Variants in MSRA observed in about 807,000 individuals in gnomAD.
The protein encoded by MSRA is methionine sulfoxide reductase A.
MSRA carries 54 observed loss-of-function variants against 31.3 expected under a neutral mutation model. That is an observed-to-expected ratio of 1.73 (90% CI 1.39 to 2.17). The LOEUF (loss-of-function observed/expected upper bound fraction) is 2.17, where lower values mean the gene tolerates loss of function less well. Among genes scored for constraint, MSRA ranks in the 30% most tolerant of loss-of-function variants. The probability of loss-of-function intolerance (pLI) is 0.00; values close to 1 mark genes in which losing one functional copy is unlikely to be tolerated. For synonymous variants in MSRA, 169 were observed against 116.5 expected, an observed-to-expected ratio of 1.45 and a Z score of -2.90; for missense variants, 507 against 300.9, an observed-to-expected ratio of 1.69 and a Z score of -5.07.
intron 1 of MSRA, among the ~76,000 whole-genome samples, chr8:10,195,570 T>C (rs558518178): frequency 2.6e-5 from 4 of 152,304 alleles, no homozygotes; most frequent in South Asian, 4.1e-4. Flanking sequence ...CACTATATTA[T>C]TTCCTGTAGA....
At chr8:10,055,165 C>G (rs1473761476) in intron 1 of MSRA, among the ~76,000 whole-genome samples, 2 of 5,380 alleles carry the variant, frequency 3.7e-4, no homozygotes, top group Non-Finnish European at 5.9e-3. Flanking sequence ...GGCCAGTGTT[C>G]TGGCTGAGTC....
intron 2 of MSRA, among the ~76,000 whole-genome samples, chr8:10,219,264 G>GT (rs1445547750): frequency 1.3e-5 from 2 of 152,194 alleles, no homozygotes; most frequent in Non-Finnish European, 2.9e-5. Flanking sequence ...TCGTGAATGA[G>GT]TTTGAGGGTA....
At chr8:10,230,431 G>T (rs543346511) in intron 2 of MSRA, among the ~76,000 whole-genome samples, 4 of 152,308 alleles carry the variant, frequency 2.6e-5, no homozygotes, top group Admixed American at 2.0e-4. Flanking sequence ...AAAGGTTCAG[G>T]TTGGCTGATG....
At chr8:10,416,678 C>A (rs4521760) in intron 5 of MSRA, among the ~76,000 whole-genome samples, 74,488 of 152,116 alleles carry the variant, frequency 0.49, 20,257 homozygotes, top group Non-Finnish European at 0.62. Context: ...GCACTTGTGC[C>A]GTTGACCACA....
At chr8:10,147,786 C>T (rs994899219) in intron 1 of MSRA, among the ~76,000 whole-genome samples, 6 of 152,224 alleles carry the variant, frequency 3.9e-5, no homozygotes, top group Admixed American at 2.0e-4. Flanking sequence ...GTGGCACCCC[C>T]CACGTCCCAG....
intron 3 of MSRA, among the ~76,000 whole-genome samples, chr8:10,283,296 G>A (rs28507215): frequency 0.13 from 20,021 of 151,950 alleles, 2,152 homozygotes; most frequent in East Asian, 0.29. Flanking sequence ...TATAAAAATT[G>A]CACATCATTT....
chr8:10,329,157 C>T (rs1473673198), intron 5 of MSRA, among the ~76,000 whole-genome samples: 1 of 152,192 alleles, frequency 6.6e-6, no homozygotes, highest in African/African-American at 2.4e-5. Flanking sequence ...GTGTTAATAT[C>T]CTATAGCTAC....
At chr8:10,149,248 A>C (rs1374540157) in intron 1 of MSRA, among the ~76,000 whole-genome samples, 1 of 151,920 alleles carries the variant, frequency 6.6e-6, no homozygotes, top group Non-Finnish European at 1.5e-5. Flanking sequence ...CAGCCTCCCA[A>C]GTATCTGGGA....
At chr8:10,303,190 C>G (rs1254867633) in intron 4 of MSRA, among the ~76,000 whole-genome samples, 1 of 152,218 alleles carries the variant, frequency 6.6e-6, no homozygotes, top group Non-Finnish European at 1.5e-5. Flanking sequence ...GGGTCTGTGT[C>G]CTTTAATGTG....
chr8:10,146,712 A>T (rs751002187), intron 1 of MSRA, among the ~76,000 whole-genome samples: 1 of 151,906 alleles, frequency 6.6e-6, no homozygotes, highest in Non-Finnish European at 1.5e-5. Flanking sequence ...GTGTTATTTT[A>T]AAAAAAAATA....
chr8:10,100,533 G>A (rs924497959), intron 1 of MSRA, among the ~76,000 whole-genome samples: 6 of 152,096 alleles, frequency 3.9e-5, no homozygotes, highest in African/African-American at 1.4e-4. Flanking sequence ...TAGGGGGCTA[G>A]GGGATGTGAT....
intron 3 of MSRA, among the ~76,000 whole-genome samples, chr8:10,278,777 C>G (rs1052942181): frequency 6.6e-6 from 1 of 152,208 alleles, no homozygotes; most frequent in Non-Finnish European, 1.5e-5. Flanking sequence ...CAGCCCTTTA[C>G]TGAACTTCAG....
intron 5 of MSRA, chr8:10,353,558 A>T: frequency 6.6e-6 from 3 of 455,362 alleles, no homozygotes; most frequent in Non-Finnish European, 1.3e-5. Context: ...TTCTGTAACG[A>T]GATGCAATTT....
At chr8:10,329,978 G>A (rs1025946269) in intron 5 of MSRA, among the ~76,000 whole-genome samples, 6 of 150,360 alleles carry the variant, frequency 4.0e-5, no homozygotes, top group Admixed American at 2.0e-4. Context: ...AATCCTAAGA[G>A]CTAGAAGGAT....
At chr8:10,356,318 A>G (rs1261002138) in intron 5 of MSRA, among the ~76,000 whole-genome samples, 1 of 152,240 alleles carries the variant, frequency 6.6e-6, no homozygotes. Flanking sequence ...ACAGAAAGCA[A>G]TATTAAGCAA....
At chr8:10,096,195 A>G (rs1007417990) in intron 1 of MSRA, 21 of 1,252,494 alleles carry the variant, frequency 1.7e-5, no homozygotes, top group Admixed American at 7.8e-5. Flanking sequence ...TCTTAAAGCA[A>G]CAGCTTTTAT....
rs780910705 is a variant in MSRA, at chr8:10,428,393, C to T, written c.*81C>T. 1.3e-4 allele frequency: 185 copies of T among 1,463,406 alleles called. No individual in the cohort carries two copies. Among genetic ancestry groups the T allele is most frequent in the Admixed American group, 1.8e-4 (9 of 49,558 alleles). 90.7% of individuals were successfully genotyped at this position (1,463,406 alleles called of 1,614,324 possible). On this transcript the variant is annotated 3_prime_UTR_variant, in exon 6 of 6. Transcript: ENST00000317173. ...GGGCAATGCTTGTGTGATTCACAAT[C>T]GTGGCATTTAAAGTGCACAAAGTAC...
At chr8:10,398,009 A>C (rs1014563024) in intron 5 of MSRA, among the ~76,000 whole-genome samples, 8 of 152,240 alleles carry the variant, frequency 5.3e-5, no homozygotes, top group African/African-American at 1.9e-4. Flanking sequence ...TTGATTCAGC[A>C]CAAGTAAAGA....
chr8:10,092,482 A>AC (rs1275589330), intron 1 of MSRA, among the ~76,000 whole-genome samples: 2 of 152,008 alleles, frequency 1.3e-5, no homozygotes, highest in Non-Finnish European at 2.9e-5. Flanking sequence ...CATGTGTGAA[A>AC]CCCCATCTTT....
Sources: gnomAD v4.1 joint callset for allele counts (sites outside exome capture counted in the v4.1 genomes callset) on GRCh38, gnomAD v4.1.1 for gene constraint, MANE v1.5 for transcripts, NCBI Gene and HGNC (gene_info 2026-07-23, HGNC 2026-07-21) for gene names.